ACSL3: variants seen among roughly 807,000 people sequenced by gnomAD.
ACSL3 encodes the protein acyl-CoA synthetase long chain family member 3.
Under a neutral mutation model 84.7 loss-of-function variants are expected in ACSL3, and 34 were observed. The ratio of observed to expected loss-of-function variants is 0.40; its 90% CI spans 0.31 to 0.53. ACSL3 has a LOEUF of 0.53. ACSL3 is among the 20% of genes least tolerant of loss of function. ACSL3 has a pLI of 0.48. For synonymous variants in ACSL3, 315 were observed against 299.4 expected (o/e 1.05, Z -0.54); for missense variants, 680 against 873.1 (o/e 0.78, Z 2.79).
chr2:222,934,545 C>G lies in ACSL3; in HGVS notation c.1863C>G (p.Val621=). 6.4e-7 allele frequency: 1 copy of G among 1,572,584 alleles called. No homozygotes were observed. Among genetic ancestry groups the G allele is most frequent in the Non-Finnish European group, 8.6e-7 (1 of 1,159,116 alleles). Residue 621 remains valine, a synonymous_variant, in exon 16 of 17, where the codon GTC becomes GTG. Coordinates refer to ENST00000357430, the MANE Select transcript of ACSL3 (RefSeq NM_004457.5). ...CAYANSYHSY[V]IGFVVPNQKE... ...TATATTTCAGTTATCATTCTTATGT[C>G]ATTGGATTTGTTGTGCCAAATCAAA...
chr2:222,905,410 C>T (rs1026541917), intron 3 of ACSL3, among the ~76,000 whole-genome samples: 14 of 152,326 alleles, frequency 9.2e-5, no homozygotes, highest in African/African-American at 3.4e-4. Context: ...ATCCGCCTGC[C>T]TTGGCCTCCC....
chr2:222,864,447 A>T (rs988034432), intron 1 of ACSL3, among the ~76,000 whole-genome samples: 1 of 152,210 alleles, frequency 6.6e-6, no homozygotes, highest in Non-Finnish European at 1.5e-5. Flanking sequence ...GAGCTTGTCA[A>T]GGAGACAAGA....
chr2:222,918,117 A>G lies in ACSL3; in HGVS notation c.628A>G (p.Ile210Val), dbSNP rs1696633653. ...HALNETEVTNIITSKELLQTK... is the reference protein window; with the variant it reads ...HALNETEVTNVITSKELLQTK... ...ATTAAATGAAACAGAGGTGACCAAC[A>G]TCATTACTAGTAAAGAACTCTTACA... The change falls in exon 6 of 17, where the codon ATC becomes GTC. Residue 210 changes from isoleucine to valine, a missense_variant. Ile to Val is a conservative substitution (Grantham distance 29). Coordinates refer to ENST00000357430, the MANE Select transcript of ACSL3 (RefSeq NM_004457.5). The G allele has an allele frequency of 1.2e-6, 2 of 1,612,506 alleles. No homozygotes were observed. Among genetic ancestry groups the G allele is most frequent in the Non-Finnish European group, 1.7e-6 (2 of 1,179,036 alleles).
At chr2:222,872,582 G>A (rs1241307570) in intron 1 of ACSL3, among the ~76,000 whole-genome samples, 2 of 152,162 alleles carry the variant, frequency 1.3e-5, no homozygotes, top group Admixed American at 6.5e-5. Context: ...TGATGAATAA[G>A]ACAAATACGG....
Position 222,916,314 on chromosome 2 carries a change from A to C in ACSL3, c.379-5A>C, listed in dbSNP as rs764466736. 3 of 1,498,672 alleles carry C rather than the reference A, an allele frequency of 2.0e-6. No homozygotes were observed. Among genetic ancestry groups the C allele is most frequent in the Non-Finnish European group, 2.7e-6 (3 of 1,120,488 alleles). The allele number at this position is 1,498,672 out of a possible 1,614,324, so 92.8% of individuals were successfully genotyped here. A position where few individuals can be genotyped will look rare whatever the true frequency, so the allele number is the denominator to read the frequency against. ...CATTAAAAAAATTTTTTTTTGTTTT[A>C]TCAGGTTATTCTTGGACAGTATAAT... On this transcript the variant is annotated splice_region_variant and splice_polypyrimidine_tract_variant and intron_variant, in intron 4 of 16. Coordinates refer to ENST00000357430, the MANE Select transcript of ACSL3 (RefSeq NM_004457.5).
intron 3 of ACSL3, among the ~76,000 whole-genome samples, chr2:222,904,020 AT>A (rs1023463542): frequency 2.0e-5 from 3 of 152,212 alleles, no homozygotes; most frequent in African/African-American, 7.2e-5. Context: ...CACGCCTGTA[AT>A]CCCAGTACTT....
intron 1 of ACSL3, among the ~76,000 whole-genome samples, chr2:222,864,799 A>C (rs943193088): frequency 1.1e-4 from 16 of 152,198 alleles, no homozygotes; most frequent in Non-Finnish European, 2.1e-4. Flanking sequence ...ATGGGACCCA[A>C]AGTACAACTG....
intron 1 of ACSL3, among the ~76,000 whole-genome samples, chr2:222,876,866 T>C (rs1695463929): frequency 6.6e-6 from 1 of 152,188 alleles, no homozygotes. Flanking sequence ...TGAAGTGTTT[T>C]GGAAGCTCAT....
At chr2:222,899,696 C>T (rs1025984893) in intron 2 of ACSL3, among the ~76,000 whole-genome samples, 4 of 152,008 alleles carry the variant, frequency 2.6e-5, no homozygotes, top group East Asian at 1.9e-4. Flanking sequence ...AGGAGGAACG[C>T]GCCCACCCTG....
At chr2:222,881,205 T>G (rs1695584632) in intron 1 of ACSL3, among the ~76,000 whole-genome samples, 2 of 152,254 alleles carry the variant, frequency 1.3e-5, no homozygotes, top group South Asian at 4.1e-4. Context: ...TTAACTATTT[T>G]ATGTTCTTTT....
chr2:222,921,534 GTC>G, intron 8 of ACSL3, 104 bp downstream of exon 8: 1 of 1,180,166 alleles, frequency 8.5e-7, no homozygotes, highest in Non-Finnish European at 1.2e-6. Context: ...GTCCCTCAGA[GTC>G]TGTTTGTAGT....
At chr2:222,873,589 G>C (rs1695362545) in intron 1 of ACSL3, among the ~76,000 whole-genome samples, 2 of 152,300 alleles carry the variant, frequency 1.3e-5, no homozygotes, top group Non-Finnish European at 2.9e-5. Flanking sequence ...AGCCAGTGCT[G>C]AGGTGCTTTC....
chr2:222,922,567 T>TCTCG, intron 8 of ACSL3, 141 bp from the exon 9 acceptor site: 1 of 999,224 alleles, frequency 1.0e-6, no homozygotes, highest in Non-Finnish European at 1.5e-6. Context: ...TCTCTCTCTC[T>TCTCG]CTCACAAACA....
At chr2:222,864,107 A>C (rs1456550555) in intron 1 of ACSL3, among the ~76,000 whole-genome samples, 1 of 152,216 alleles carries the variant, frequency 6.6e-6, no homozygotes, top group Non-Finnish European at 1.5e-5. Flanking sequence ...GAGTGGGAGA[A>C]AGAGGTGCTA....
In ACSL3 at chr2:222,924,499, G is replaced by A; in HGVS notation, c.1196G>A (p.Ser399Asn). 6.2e-7 allele frequency: 1 copy of A among 1,609,058 alleles called. No homozygotes were observed. Reference protein sequence around the residue: ...RIYKNVMNKVSEMSSFQRNLF... With the variant: ...RIYKNVMNKVNEMSSFQRNLF... ...TACAAAAATGTCATGAATAAAGTCA[G>A]TGAAATGAGTAGTTTTCAACGTAAT... The change falls in exon 11 of 17, where the codon AGT becomes AAT. Residue 399 changes from serine (S) to asparagine (N), a missense_variant. Physicochemically the swap from Ser to Asn is conservative, Grantham distance 46. This residue lies in a region of ACSL3 where 347 missense variants were observed against 525.7 expected (regional missense o/e 0.66). Coordinates refer to ENST00000357430, the MANE Select transcript of ACSL3 (RefSeq NM_004457.5).
At chr2:222,893,508 T>C (rs184008360) in intron 2 of ACSL3, among the ~76,000 whole-genome samples, 45 of 152,260 alleles carry the variant, frequency 3.0e-4, no homozygotes, top group African/African-American at 9.6e-4. Flanking sequence ...TGAGTTACCA[T>C]GTTGTATCTC....
chr2:222,885,907 T>C (rs1374037265), intron 1 of ACSL3, among the ~76,000 whole-genome samples: 1 of 152,160 alleles, frequency 6.6e-6, no homozygotes, highest in African/African-American at 2.4e-5. Context: ...CACACCTGGC[T>C]AATTTTTGTA....
chr2:222,924,673 T>TG, intron 11 of ACSL3, 78 bp downstream of exon 11: 2 of 1,336,592 alleles, frequency 1.5e-6, no homozygotes, highest in Non-Finnish European at 2.0e-6. Context: ...GCCCAATTAA[T>TG]TGAGATAGTT....
At chr2:222,878,146 A>G (rs781326006) in intron 1 of ACSL3, among the ~76,000 whole-genome samples, 28 of 152,346 alleles carry the variant, frequency 1.8e-4, no homozygotes, top group Non-Finnish European at 3.7e-4. Flanking sequence ...ACAGTAATGG[A>G]CATGAGATAC....
Sources: gnomAD v4.1 joint callset for allele counts (sites outside exome capture counted in the v4.1 genomes callset) on GRCh38, gnomAD v4.1.1 for gene constraint, gnomAD v4.1.1 regional missense constraint, MANE v1.5 for transcripts, NCBI Gene and HGNC (gene_info 2026-07-23, HGNC 2026-07-21) for gene names.